CFAP95: variants seen among roughly 807,000 people sequenced by gnomAD.
CFAP95 encodes the protein cilia- and flagella-associated protein 95.
the CFAP95 span, among the ~76,000 whole-genome samples, chr9:69,882,722 T>A: frequency 6.6e-6 from 1 of 152,232 alleles, no homozygotes; most frequent in Non-Finnish European, 1.5e-5. Flanking sequence ...ATTTTTATCC[T>A]TCATTCTGTT....
At chr9:69,868,843 T>G in the CFAP95 span, among the ~76,000 whole-genome samples, 1 of 147,688 alleles carries the variant, frequency 6.8e-6, no homozygotes, top group Non-Finnish European at 1.5e-5. Context: ...GCCAAGGACT[T>G]AAATAGGCAT....
At chr9:69,884,205 G>C in the CFAP95 span, among the ~76,000 whole-genome samples, 1 of 152,064 alleles carries the variant, frequency 6.6e-6, no homozygotes, top group Admixed American at 6.6e-5. Context: ...ATATTTTTAT[G>C]TATTTTTACT....
chr9:69,903,913 G>A, the CFAP95 span, among the ~76,000 whole-genome samples: 4 of 151,996 alleles, frequency 2.6e-5, no homozygotes, highest in South Asian at 2.1e-4. Flanking sequence ...TTATAGAGAC[G>A]TGGTCTCACT....
At chr9:69,828,102 G>T in the CFAP95 span, among the ~76,000 whole-genome samples, 2 of 152,168 alleles carry the variant, frequency 1.3e-5, no homozygotes, top group African/African-American at 4.8e-5. Context: ...AATTTAGAAG[G>T]TCTTTTGATT....
At chr9:69,829,308 T>C in the CFAP95 span, among the ~76,000 whole-genome samples, 13,719 of 152,304 alleles carry the variant, frequency 0.09, 785 homozygotes, top group South Asian at 0.19. Context: ...CTTCCAGTGC[T>C]GTTTTCTTTT....
the CFAP95 span, among the ~76,000 whole-genome samples, chr9:69,827,723 G>T: frequency 6.6e-6 from 1 of 152,124 alleles, no homozygotes; most frequent in African/African-American, 2.4e-5. Flanking sequence ...TGAGGACTTG[G>T]TGTCTCTGCC....
chr9:69,865,736 T>C, the CFAP95 span, among the ~76,000 whole-genome samples: 2 of 152,186 alleles, frequency 1.3e-5, no homozygotes, highest in Non-Finnish European at 2.9e-5. Context: ...ACAGTTCTGA[T>C]GACATTCTTC....
the CFAP95 span, among the ~76,000 whole-genome samples, chr9:69,891,035 T>C: frequency 0.01 from 1,538 of 152,288 alleles, 27 homozygotes; most frequent in African/African-American, 0.035. Flanking sequence ...TGAAAGTACC[T>C]CCATCATTTC....
chr9:69,833,844 A>G, the CFAP95 span, among the ~76,000 whole-genome samples: 1 of 152,176 alleles, frequency 6.6e-6, no homozygotes, highest in Non-Finnish European at 1.5e-5. Context: ...AGTCTGTTTT[A>G]ATTCTAGATT....
chr9:69,827,057 C>A, the CFAP95 span, among the ~76,000 whole-genome samples: 1 of 152,156 alleles, frequency 6.6e-6, no homozygotes. Flanking sequence ...ATATATACTT[C>A]TGTTACAATA....
chr9:69,824,064 G>T, the CFAP95 span, among the ~76,000 whole-genome samples: 1 of 152,194 alleles, frequency 6.6e-6, no homozygotes, highest in African/African-American at 2.4e-5. Flanking sequence ...CATGGCCATT[G>T]ACCTCAAGGA....
the CFAP95 span, among the ~76,000 whole-genome samples, chr9:69,896,719 A>T: frequency 7.9e-5 from 12 of 152,162 alleles, no homozygotes; most frequent in African/African-American, 2.9e-4. Context: ...GGAGGAAAAA[A>T]TATCCAATAG....
chr9:69,892,890 A>G, the CFAP95 span, among the ~76,000 whole-genome samples: 3 of 152,146 alleles, frequency 2.0e-5, no homozygotes, highest in Non-Finnish European at 4.4e-5. Flanking sequence ...CCAGCTCTCC[A>G]TCCCACTGAG....
chr9:69,902,201 C>T, the CFAP95 span: 1 of 386,916 alleles, frequency 2.6e-6, no homozygotes, highest in East Asian at 8.0e-5. Context: ...AATGTTGGCC[C>T]TTTCTGCTTT....
the CFAP95 span, among the ~76,000 whole-genome samples, chr9:69,828,129 T>G: frequency 6.6e-6 from 1 of 152,326 alleles, no homozygotes; most frequent in East Asian, 1.9e-4. Flanking sequence ...AATGCCTGAC[T>G]TTCAAGAAAA....
At chr9:69,883,251 T>C in the CFAP95 span, among the ~76,000 whole-genome samples, 6 of 152,342 alleles carry the variant, frequency 3.9e-5, no homozygotes, top group East Asian at 9.6e-4. Context: ...CATTCTCTCA[T>C]ACAGACTAAG....
At chr9:69,869,690 T>A in the CFAP95 span, among the ~76,000 whole-genome samples, 1 of 152,040 alleles carries the variant, frequency 6.6e-6, no homozygotes, top group Non-Finnish European at 1.5e-5. Context: ...TAAATATATA[T>A]CAAAACATTA....
At chr9:69,833,903 T>C in the CFAP95 span, among the ~76,000 whole-genome samples, 1 of 152,212 alleles carries the variant, frequency 6.6e-6, no homozygotes, top group Non-Finnish European at 1.5e-5. Flanking sequence ...ATGCAACAAA[T>C]TGTCCTGAAA....
At chr9:69,822,218 G>A in the CFAP95 span, among the ~76,000 whole-genome samples, 1 of 152,178 alleles carries the variant, frequency 6.6e-6, no homozygotes, top group Non-Finnish European at 1.5e-5. Context: ...CACAAATCTT[G>A]TCTACTTTAT....
Sources: allele counts gnomAD v4.1 joint callset (sites outside exome capture counted in the v4.1 genomes callset), GRCh38; gene constraint gnomAD v4.1.1; transcripts MANE v1.5; gene names NCBI Gene and HGNC (gene_info 2026-07-23, HGNC 2026-07-21).